Variants in CTBP2 observed in about 807,000 individuals in gnomAD.
CTBP2 encodes the protein C-terminal binding protein 2.
Under a neutral mutation model 80.3 loss-of-function variants are expected in CTBP2, and 30 were observed. The observed-to-expected ratio is 0.37, with a 90% CI of 0.28 to 0.51. CTBP2 has a LOEUF of 0.51. CTBP2 is among the 20% of genes least tolerant of loss of function. The pLI, the probability that CTBP2 is intolerant of heterozygous loss-of-function variation, is 0.93. For missense variants in CTBP2, 1,212 were observed against 1,375.3 expected, an observed-to-expected ratio of 0.88 and a Z score of 1.88; for synonymous variants, 594 against 587.4, an observed-to-expected ratio of 1.01 and a Z score of -0.16.
At chr10:125,010,621 G>C (rs1166641411) in intron 1 of CTBP2, among the ~76,000 whole-genome samples, 1 of 152,192 alleles carries the variant, frequency 6.6e-6, no homozygotes, top group Non-Finnish European at 1.5e-5. Context: ...CTCAGCCCTG[G>C]AGTGGCATCA....
intron 2 of CTBP2, among the ~76,000 whole-genome samples, chr10:125,109,644 G>A (rs1851986053): frequency 6.6e-6 from 1 of 152,182 alleles, no homozygotes; most frequent in Non-Finnish European, 1.5e-5. Flanking sequence ...GATGACTGAG[G>A]GGCCCCTCTC....
intron 1 of CTBP2, chr10:125,005,651 C>T: frequency 6.2e-7 from 1 of 1,612,906 alleles, no homozygotes; most frequent in Non-Finnish European, 8.5e-7. Flanking sequence ...TGACGAGGAA[C>T]CCGACACACA....
intron 2 of CTBP2, among the ~76,000 whole-genome samples, chr10:125,104,200 G>A (rs1152688): frequency 0.01 from 1,563 of 152,304 alleles, 31 homozygotes; most frequent in African/African-American, 0.034. Flanking sequence ...CAGCGGCCTG[G>A]AGAAAGGACG....
At chr10:125,018,790 C>T (rs917685911) in intron 1 of CTBP2, among the ~76,000 whole-genome samples, 4 of 152,212 alleles carry the variant, frequency 2.6e-5, no homozygotes, top group African/African-American at 9.6e-5. Context: ...TCCCCGCCAA[C>T]GCCACTGGCA....
intron 2 of CTBP2, among the ~76,000 whole-genome samples, chr10:125,083,491 G>C (rs1327095380): frequency 6.6e-6 from 1 of 152,194 alleles, no homozygotes; most frequent in Non-Finnish European, 1.5e-5. Context: ...CTGAGACTCA[G>C]TCGCCTGTCT....
intron 1 of CTBP2, among the ~76,000 whole-genome samples, chr10:125,009,030 A>C (rs1955567568): frequency 6.6e-6 from 1 of 152,204 alleles, no homozygotes; most frequent in Non-Finnish European, 1.5e-5. Context: ...CAATCGGGAC[A>C]AATAGAGAAT....
rs1953945540 is a variant in CTBP2 at position 124,998,332 on chromosome 10, T to G, written c.1979-162A>C. ...GGCTGGGCACGTGGGCGGTAGGCCCTCTGGCTCTGATGCATGGGAAGCTCT... is the reference window on the plus strand; with the variant it reads ...GGCTGGGCACGTGGGCGGTAGGCCCGCTGGCTCTGATGCATGGGAAGCTCT... On this transcript the variant is annotated intron_variant, in intron 3 of 8. Coordinates refer to ENST00000309035, the MANE Select transcript of CTBP2 (RefSeq NM_022802.3). The G allele has an allele frequency of 2.2e-5, 16 of 717,138 alleles. No individual in the cohort carries two copies. The South Asian group carries it at 2.9e-4, about 13-fold the overall frequency. The allele number at this position is 717,138 out of a possible 1,614,324, so 44.4% of individuals were successfully genotyped here.
chr10:125,131,689 A>C (rs1407327998), intron 1 of CTBP2, among the ~76,000 whole-genome samples: 1 of 152,234 alleles, frequency 6.6e-6, no homozygotes, highest in Admixed American at 6.5e-5. Context: ...CTAAATCACA[A>C]GAACATCAGG....
intron 2 of CTBP2, among the ~76,000 whole-genome samples, chr10:125,039,558 C>T (rs1959185312): frequency 6.6e-6 from 1 of 152,246 alleles, no homozygotes; most frequent in Admixed American, 6.5e-5. Flanking sequence ...TGCAGACGCA[C>T]ACCGTGGCGA....
At position 125,003,083 on chromosome 10, in the gene CTBP2, C is replaced by A. The variant is rs140067472; in HGVS notation, c.1855G>T (p.Ala619Ser). 9.5e-5 allele frequency: 154 copies of A among 1,613,902 alleles called. No homozygotes were observed. Among genetic ancestry groups the A allele is most frequent in the Non-Finnish European group, 1.2e-4 (143 of 1,180,038 alleles). ...AGGGTGATGGTGTGGTACATCATGGCGCCCACGGCTTCGTTTAGAACCTGC... is the reference window on the plus strand; with the variant it reads ...AGGGTGATGGTGTGGTACATCATGGAGCCCACGGCTTCGTTTAGAACCTGC... The change falls in exon 3 of 9, where the codon GCC becomes TCC. Residue 619 changes from alanine (A) to serine (S), a missense_variant. By Grantham distance (99) the Ala-to-Ser change is moderately conservative (BLOSUM62 1). Coordinates refer to ENST00000309035, the MANE Select transcript of CTBP2 (RefSeq NM_022802.3).
chr10:125,119,480 T>C (rs1324334988), intron 1 of CTBP2, among the ~76,000 whole-genome samples: 2 of 152,204 alleles, frequency 1.3e-5, no homozygotes, highest in African/African-American at 2.4e-5. Context: ...TACAGGGATA[T>C]GTCAGACACT....
intron 1 of CTBP2, among the ~76,000 whole-genome samples, chr10:125,136,129 C>T (rs911202285): frequency 2.6e-5 from 4 of 152,242 alleles, no homozygotes; most frequent in South Asian, 4.2e-4. Context: ...GATCTTTTTT[C>T]AAAGCTCTCC....
intron 1 of CTBP2, among the ~76,000 whole-genome samples, chr10:125,014,677 G>A (rs996843157): frequency 9.9e-5 from 15 of 152,196 alleles, no homozygotes; most frequent in Admixed American, 2.6e-4. Context: ...TTGCCGAGAC[G>A]GGAACACCAG....
rs1327138563 is a variant in CTBP2, at chr10:124,984,387, GA to G, written c.*5130del. Reference sequence around the variant, plus strand: ...AAAACGTTTATAATCACAACATGAAGAAAAAAAGTTCATAGACCGTAACTTG... The same window carrying G: ...AAAACGTTTATAATCACAACATGAAGAAAAAAGTTCATAGACCGTAACTTG... On this transcript the variant is annotated 3_prime_UTR_variant, in exon 9 of 9. Transcript: ENST00000309035. The G allele has an allele frequency of 1.2e-5, 2 of 171,854 alleles. No individual in the cohort carries two copies. Among genetic ancestry groups the G allele is most frequent in the Admixed American group, 6.1e-5 (1 of 16,474 alleles). The allele number at this position is 171,854 out of a possible 1,614,324, so 10.6% of individuals were successfully genotyped here. A position where few individuals can be genotyped will look rare whatever the true frequency, so the allele number is the denominator to read the frequency against.
At chr10:124,996,049 T>C (rs5788687) in intron 4 of CTBP2, 1 of 1,636 alleles carries the variant, frequency 6.1e-4, no homozygotes, top group South Asian at 0.019. Flanking sequence ...TATTTCTTTG[T>C]TTTTTTTTTT....
chr10:125,136,981 C>A lies in CTBP2; in HGVS notation c.-206+23338G>T, dbSNP rs572599277. The stretch of plus-strand genomic sequence containing the variant: ...GCTGCCTTTGGTGGGACACAGGTCA[C>A]CAAACCTGACCCACCCAAATCTTCA... On this transcript the variant is annotated intron_variant, in intron 1 of 10. Coordinates refer to the CTBP2 transcript ENST00000337195. Among the ~76,000 whole-genome samples, 3 of 152,344 alleles carry A rather than the reference C, an allele frequency of 2.0e-5. No homozygotes were observed. In the South Asian group the frequency reaches 6.2e-4, roughly 32 times the overall value.
chr10:125,117,762 T>G (rs1853583314), intron 1 of CTBP2, among the ~76,000 whole-genome samples: 1 of 152,174 alleles, frequency 6.6e-6, no homozygotes, highest in African/African-American at 2.4e-5. Flanking sequence ...CCATATTAAT[T>G]AGCTTGGAAA....
chr10:125,137,977 T>C (rs546292872), intron 1 of CTBP2: 2 of 152,264 alleles, frequency 1.3e-5, no homozygotes, highest in South Asian at 4.1e-4. Flanking sequence ...TGCACCCTCA[T>C]AGCCAGCCAC....
At chr10:125,138,662 T>C (rs1023867232) in intron 1 of CTBP2, among the ~76,000 whole-genome samples, 1 of 135,990 alleles carries the variant, frequency 7.4e-6, no homozygotes, top group Admixed American at 7.4e-5. Context: ...CCAAGCCAAA[T>C]GGTTAAAAAA....
Sources: gnomAD v4.1 joint callset for allele counts (sites outside exome capture counted in the v4.1 genomes callset) on GRCh38, gnomAD v4.1.1 for gene constraint, MANE v1.5 for transcripts, NCBI Gene and HGNC (gene_info 2026-07-23, HGNC 2026-07-21) for gene names.